The following REPS1 variants were observed in gnomAD, a reference collection of about 807,000 sequenced individuals.
REPS1 encodes ralBP1-associated Eps domain-containing protein 1.
Under a neutral mutation model 100.9 loss-of-function variants are expected in REPS1, and 39 were observed. That is an observed-to-expected ratio of 0.39 (90% CI 0.30 to 0.50). REPS1 has a LOEUF of 0.50. Among genes scored for constraint, REPS1 ranks in the 20% least tolerant of loss-of-function variants. The probability of loss-of-function intolerance (pLI) is 0.86; values close to 1 mark genes in which losing one functional copy is unlikely to be tolerated. For missense variants in REPS1, 821 were observed against 968.5 expected (o/e 0.85, Z 2.02); for synonymous variants, 324 against 340.3 (o/e 0.95, Z 0.53).
chr6:138,974,994 CAA>C (rs80057574), intron 1 of REPS1, among the ~76,000 whole-genome samples: 3 of 135,860 alleles, frequency 2.2e-5, no homozygotes, highest in African/African-American at 2.7e-5. Flanking sequence ...GACCCTGTCT[CAA>C]AAAAAAAAAA....
At chr6:138,943,601 T>G in intron 6 of REPS1, 25 bp from the exon 7 acceptor site, 1 of 1,513,154 alleles carries the variant, frequency 6.6e-7, no homozygotes, top group African/African-American at 1.4e-5. Context: ...CAGTGTTGTT[T>G]AATGTTATTC....
intron 8 of REPS1, among the ~76,000 whole-genome samples, chr6:138,933,347 A>T (rs1263480547): frequency 6.6e-6 from 1 of 152,250 alleles, no homozygotes; most frequent in African/African-American, 2.4e-5. Flanking sequence ...AGGCAGTCCT[A>T]GACAATTCAT....
intron 1 of REPS1, among the ~76,000 whole-genome samples, chr6:138,958,227 A>C (rs926380497): frequency 1.6e-4 from 24 of 152,248 alleles, no homozygotes; most frequent in African/African-American, 5.5e-4. Flanking sequence ...TCACTGAAGA[A>C]AGAGTTTAAT....
At chr6:138,907,715 T>C (rs1779753057) in intron 18 of REPS1, 115 bp from the exon 19 acceptor site, 2 of 660,738 alleles carry the variant, frequency 3.0e-6, no homozygotes, top group Non-Finnish European at 2.7e-6. Context: ...ATCTTTTTCC[T>C]TACTAGCACA....
rs377716602 is a variant in REPS1 at position 138,956,416 on chromosome 6, C to A, written c.154-8503G>T. On this transcript the variant is annotated intron_variant, in intron 1 of 19. Coordinates refer to ENST00000450536, the MANE Select transcript of REPS1 (RefSeq NM_001286611.2). ...GGGACTGGGACAGAGAACGAAGATC[C>A]CCATCTCCACTGCTGCTCACAGTTA... 2.0e-5 allele frequency among the ~76,000 whole-genome samples: 3 copies of A among 151,886 alleles called. 1 individual carries two copies.
intron 1 of REPS1, among the ~76,000 whole-genome samples, chr6:138,952,794 T>C (rs1327487524): frequency 6.6e-6 from 1 of 151,800 alleles, no homozygotes; most frequent in Non-Finnish European, 1.5e-5. Flanking sequence ...TGGATATCCA[T>C]ATGAAATATG....
At chr6:138,917,711 G>C in intron 12 of REPS1, 84 bp from the exon 13 acceptor site, 1 of 1,067,172 alleles carries the variant, frequency 9.4e-7, no homozygotes, top group Non-Finnish European at 1.4e-6. Flanking sequence ...TAAGTGATAT[G>C]CTGTTTCAAG....
Position 138,987,603 on chromosome 6 carries a change from T to G in REPS1, c.80A>C (p.Lys27Thr). The G allele has an allele frequency of 6.4e-7, 1 of 1,551,142 alleles. No individual in the cohort carries two copies. The highest frequency in any genetic ancestry group is 8.7e-7 in the Non-Finnish European group (1 of 1,146,714). Residue 27 changes from lysine to threonine, a missense_variant, in exon 1 of 20, where the codon AAG (lysine) becomes ACG (threonine). Coordinates refer to ENST00000450536, the MANE Select transcript of REPS1 (RefSeq NM_001286611.2). Reference protein sequence around the residue: ...LFSYCDIESTKKVVVNGRVLE... With the variant: ...LFSYCDIESTTKVVVNGRVLE... ...CACCCGCCCGTTGACCACCACCTTCTTGGTGCTCTCAATGTCGCAGTAGGA... is the reference window on the plus strand; with the variant it reads ...CACCCGCCCGTTGACCACCACCTTCGTGGTGCTCTCAATGTCGCAGTAGGA...
chr6:138,980,229 G>A (rs1443956159), intron 1 of REPS1, among the ~76,000 whole-genome samples: 1 of 152,166 alleles, frequency 6.6e-6, no homozygotes, highest in African/African-American at 2.4e-5. Context: ...CTAAGCCATT[G>A]CTGTCTGCTG....
intron 1 of REPS1, among the ~76,000 whole-genome samples, chr6:138,972,569 T>C (rs1466432291): frequency 6.6e-6 from 1 of 151,968 alleles, no homozygotes; most frequent in South Asian, 2.1e-4. Flanking sequence ...TTATTTAGAC[T>C]ACATGCTTGT....
chr6:138,911,235 A>G, intron 17 of REPS1, 41 bp downstream of exon 17: 1 of 1,274,186 alleles, frequency 7.8e-7, no homozygotes, highest in Non-Finnish European at 1.1e-6. Flanking sequence ...CACATTACTT[A>G]TGATGTACAA....
Position 138,917,570 on chromosome 6 carries a change from T to C in REPS1, c.1586A>G (p.Asn529Ser), listed in dbSNP as rs553814177. The C allele has an allele frequency of 1.7e-5, 28 of 1,613,296 alleles. No homozygotes were observed. The South Asian group carries it at 2.4e-4, about 14-fold the overall frequency. ...FTSDPEQIGS[N>S]VTRQRSHSGT... ...AAATACTGACCTTTGACGAGTTACA[T>C]TGCTCCCGATCTGTTCTGGGTCAGA... The change falls in exon 13 of 20, where the codon AAT becomes AGT. Residue 529 changes from asparagine to serine, a missense_variant. Physicochemically the swap from Asn to Ser is conservative, Grantham distance 46 (BLOSUM62 1). Transcript: ENST00000450536.
chr6:138,979,932 G>A (rs1474694694), intron 1 of REPS1, among the ~76,000 whole-genome samples: 2 of 152,090 alleles, frequency 1.3e-5, no homozygotes, highest in Non-Finnish European at 2.9e-5. Flanking sequence ...TCCTCAAGAT[G>A]TATAGATCTC....
intron 19 of REPS1, among the ~76,000 whole-genome samples, chr6:138,905,997 T>A (rs1248049531): frequency 6.6e-6 from 1 of 152,250 alleles, no homozygotes; most frequent in Admixed American, 6.5e-5. Flanking sequence ...ATTTTGTACC[T>A]TACTTCCCAT....
chr6:138,983,370 G>A (rs1363551492), intron 1 of REPS1, among the ~76,000 whole-genome samples: 4 of 152,108 alleles, frequency 2.6e-5, no homozygotes, highest in African/African-American at 7.2e-5. Flanking sequence ...CAGAAGAATC[G>A]CTTGAGCCTG....
chr6:138,957,567 G>C (rs924563989), intron 1 of REPS1, among the ~76,000 whole-genome samples: 1 of 152,132 alleles, frequency 6.6e-6, no homozygotes, highest in Non-Finnish European at 1.5e-5. Flanking sequence ...ACAGCTTCCA[G>C]GAAAAAGTAG....
At chr6:138,955,457 A>AAGTGTGTGTGT (rs10689184) in intron 1 of REPS1, among the ~76,000 whole-genome samples, 4,416 of 90,448 alleles carry the variant, frequency 0.049, 158 homozygotes, top group East Asian at 0.12. Flanking sequence ...AAAAAAAAAA[A>AAGTGTGTGTGT]GTGTGTGTGT....
chr6:138,912,660 G>C (rs536002803), intron 16 of REPS1, 105 bp downstream of exon 16: 1 of 1,057,876 alleles, frequency 9.5e-7, no homozygotes, highest in African/African-American at 1.6e-5. Context: ...CTGACCCAGG[G>C]AATATTTTAC....
chr6:138,988,144 G>C lies in REPS1; in HGVS notation c.-462C>G. On this transcript the variant is annotated 5_prime_UTR_variant, in exon 1 of 20. Transcript: ENST00000450536. Reference sequence around the variant, plus strand: ...GCTTCCCGGAAAGTTGTGGGGCTTCGAACCTAAAGTTTCGGGGGATCTGGG... The same window carrying C: ...GCTTCCCGGAAAGTTGTGGGGCTTCCAACCTAAAGTTTCGGGGGATCTGGG... 1 of 398,134 alleles carries C rather than the reference G, an allele frequency of 2.5e-6. No individual in the cohort carries two copies. Among genetic ancestry groups the C allele is most frequent in the Non-Finnish European group, 4.4e-6 (1 of 225,784 alleles). The allele number at this position is 398,134 out of a possible 1,614,324, so 24.7% of individuals were successfully genotyped here.
Sources: allele counts gnomAD v4.1 joint callset (sites outside exome capture counted in the v4.1 genomes callset), GRCh38; gene constraint gnomAD v4.1.1; transcripts MANE v1.5; gene names NCBI Gene and HGNC (gene_info 2026-07-23, HGNC 2026-07-21).